STXBP5L: variants seen among roughly 807,000 people sequenced by gnomAD.
STXBP5L encodes syntaxin-binding protein 5-like.
STXBP5L carries 65 observed loss-of-function variants against 144.5 expected under a neutral mutation model. That is an observed-to-expected ratio of 0.45 (90% confidence interval 0.37 to 0.55). The LOEUF (loss-of-function observed/expected upper bound fraction) is 0.55. Among genes scored for constraint, STXBP5L ranks in the 20% least tolerant of loss-of-function variants. The probability of loss-of-function intolerance (pLI) is 0.00; values close to 1 mark genes in which losing one functional copy is unlikely to be tolerated. For missense variants in STXBP5L, 1,298 were observed against 1,405.5 expected (o/e 0.92, Z 1.22); for synonymous variants, 505 against 469.6 (o/e 1.08, Z -0.97).
chr3:121,367,622 T>TA (rs1553778529), intron 20 of STXBP5L, among the ~76,000 whole-genome samples: 1 of 142,230 alleles, frequency 7.0e-6, no homozygotes, highest in African/African-American at 2.7e-5. Context: ...TTTTTTTTTT[T>TA]AAACAGGTTC....
rs1291514051 is a variant in STXBP5L, at chr3:121,076,655, C to G, written c.470+31120C>G. ...GCCAATTATCTCCCTGTCTATTTTC[C>G]CCTTGGCTGGCCACCCTACCTTAAG... On this transcript the variant is annotated intron_variant, in intron 5 of 26. Coordinates refer to ENST00000471454, the MANE Select transcript of STXBP5L (RefSeq NM_001308330.2). 2.6e-5 allele frequency among the ~76,000 whole-genome samples: 4 copies of G among 152,244 alleles called. No individual in the cohort carries two copies. The South Asian group carries it at 8.3e-4, about 32-fold the overall frequency.
rs1341561177 is a variant in STXBP5L, at chr3:121,259,130, A to G, written c.1920A>G (p.Gln640=). 4 of 1,599,954 alleles carry G rather than the reference A, an allele frequency of 2.5e-6. No homozygotes were observed. Among genetic ancestry groups the G allele is most frequent in the Non-Finnish European group, 3.4e-6 (4 of 1,171,940 alleles). ...QLVWVDGEPP[Q]QITSLAVSSA... ...TGTGGGTAGATGGTGAACCTCCACA[A>G]CAGATTACTAGTCTTGCTGTAAGCT... Residue 640 remains glutamine (Q), a synonymous_variant, in exon 18 of 27, where the codon CAA becomes CAG. Transcript: ENST00000471454.
At chr3:121,004,444 T>A (rs1277703664) in intron 3 of STXBP5L, among the ~76,000 whole-genome samples, 2 of 151,822 alleles carry the variant, frequency 1.3e-5, no homozygotes, top group Admixed American at 1.3e-4. Flanking sequence ...CTTAAGGAGA[T>A]TTGGGGCTGA....
chr3:121,115,906 A>G (rs1279389790), intron 6 of STXBP5L, among the ~76,000 whole-genome samples: 4 of 152,092 alleles, frequency 2.6e-5, no homozygotes, highest in Non-Finnish European at 5.9e-5. Flanking sequence ...TACTGCAAGA[A>G]CTCACTTACT....
chr3:120,950,300 G>A (rs1711126951), intron 2 of STXBP5L, among the ~76,000 whole-genome samples: 1 of 151,890 alleles, frequency 6.6e-6, no homozygotes, highest in Non-Finnish European at 1.5e-5. Flanking sequence ...GAATTGTCTT[G>A]GCACTCTTTT....
intron 3 of STXBP5L, among the ~76,000 whole-genome samples, chr3:120,989,741 C>T (rs907420755): frequency 6.6e-6 from 1 of 152,068 alleles, no homozygotes; most frequent in East Asian, 1.9e-4. Flanking sequence ...TTGTTATGTC[C>T]CACTGGTGAA....
intron 5 of STXBP5L, among the ~76,000 whole-genome samples, chr3:121,096,226 T>C (rs953145269): frequency 6.6e-6 from 1 of 152,204 alleles, no homozygotes; most frequent in African/African-American, 2.4e-5. Flanking sequence ...GCTGTTCATA[T>C]TTGGCTATCT....
chr3:121,110,984 A>T (rs1049075764), intron 5 of STXBP5L, among the ~76,000 whole-genome samples: 2 of 151,740 alleles, frequency 1.3e-5, no homozygotes, highest in African/African-American at 4.8e-5. Flanking sequence ...TTTCATCAAG[A>T]TAGTCTTCAA....
intron 3 of STXBP5L, among the ~76,000 whole-genome samples, chr3:120,993,845 T>G (rs1200971168): frequency 6.6e-6 from 1 of 152,046 alleles, no homozygotes; most frequent in Non-Finnish European, 1.5e-5. Context: ...TATCATTGAT[T>G]TTTTTAATAG....
chr3:121,346,308 T>C (rs1339528813), intron 20 of STXBP5L, among the ~76,000 whole-genome samples: 1 of 152,106 alleles, frequency 6.6e-6, no homozygotes, highest in Non-Finnish European at 1.5e-5. Flanking sequence ...TGCATAGTAT[T>C]CCATGGTGTA....
At chr3:121,137,029 G>A (rs764796034) in intron 7 of STXBP5L, among the ~76,000 whole-genome samples, 6 of 152,152 alleles carry the variant, frequency 3.9e-5, no homozygotes, top group Non-Finnish European at 7.3e-5. Flanking sequence ...TAAACGTTGT[G>A]TACACACAGA....
chr3:121,037,685 G>T (rs907972568), intron 3 of STXBP5L, among the ~76,000 whole-genome samples: 3 of 152,018 alleles, frequency 2.0e-5, no homozygotes, highest in African/African-American at 7.2e-5. Flanking sequence ...GAATGAGTCA[G>T]AAAATCTTTC....
intron 3 of STXBP5L, among the ~76,000 whole-genome samples, chr3:121,008,107 C>A (rs1944485685): frequency 6.6e-6 from 1 of 151,882 alleles, no homozygotes; most frequent in East Asian, 1.9e-4. Context: ...TTTATGTAGG[C>A]CTTTTCTGGG....
intron 14 of STXBP5L, among the ~76,000 whole-genome samples, chr3:121,245,873 C>A (rs959353937): frequency 1.3e-5 from 2 of 152,066 alleles, no homozygotes; most frequent in Non-Finnish European, 2.9e-5. Flanking sequence ...CAGTAATGAA[C>A]AGATCAACTA....
intron 7 of STXBP5L, among the ~76,000 whole-genome samples, chr3:121,146,180 A>C (rs1273498442): frequency 1.3e-5 from 2 of 152,024 alleles, no homozygotes; most frequent in Non-Finnish European, 2.9e-5. Context: ...TACATGAACC[A>C]ATTTGCATAA....
At chr3:121,107,723 A>G (rs981816124) in intron 5 of STXBP5L, among the ~76,000 whole-genome samples, 1 of 149,328 alleles carries the variant, frequency 6.7e-6, no homozygotes, top group Non-Finnish European at 1.5e-5. Flanking sequence ...ATGAATTTTA[A>G]AGTAGTTTTT....
chr3:121,282,174 A>C, intron 19 of STXBP5L: 1 of 1,105,882 alleles, frequency 9.0e-7, no homozygotes, highest in Non-Finnish European at 1.3e-6. Flanking sequence ...GCTGTTCTAG[A>C]TTCTGGTATG....
Position 121,167,250 on chromosome 3 carries a change from C to T in STXBP5L, c.877+9623C>T, listed in dbSNP as rs540885338. Reference sequence around the variant, plus strand: ...TGCCAAAATGAGAAGTTGCTCTAAACCTAAGAAATATAGTAAGCTAACCTA... The same window carrying T: ...TGCCAAAATGAGAAGTTGCTCTAAATCTAAGAAATATAGTAAGCTAACCTA... On this transcript the variant is annotated intron_variant, in intron 9 of 26. Transcript: ENST00000471454. 4.6e-5 allele frequency among the ~76,000 whole-genome samples: 7 copies of T among 152,174 alleles called. No individual in the cohort carries two copies. The South Asian group carries it at 6.2e-4, about 14-fold the overall frequency.
intron 5 of STXBP5L, among the ~76,000 whole-genome samples, chr3:121,070,402 G>C (rs1322770322): frequency 6.6e-6 from 1 of 152,230 alleles, no homozygotes; most frequent in African/African-American, 2.4e-5. Flanking sequence ...TGTCCACAGA[G>C]AGAAGACAGG....
Sources: allele counts gnomAD v4.1 joint callset (sites outside exome capture counted in the v4.1 genomes callset), GRCh38; gene constraint gnomAD v4.1.1; transcripts MANE v1.5; gene names NCBI Gene and HGNC (gene_info 2026-07-23, HGNC 2026-07-21).